Variants in PCGF5 observed in about 807,000 individuals in gnomAD.
PCGF5 encodes polycomb group ring finger 5, also known as polycomb group RING finger protein 5.
Under a neutral mutation model 44.3 loss-of-function variants are expected in PCGF5, and 9 were observed. The observed-to-expected ratio is 0.20, with a 90% confidence interval of 0.12 to 0.35. The LOEUF (loss-of-function observed/expected upper bound fraction) is 0.35, where lower values mean the gene tolerates loss of function less well. Among genes scored for constraint, PCGF5 ranks in the 10% least tolerant of loss-of-function variants. The pLI is 1.00. For synonymous variants in PCGF5, 95 were observed against 102.5 expected (o/e 0.93, Z 0.44); for missense variants, 146 against 305.3 (o/e 0.48, Z 3.89).
At chr10:91,277,187 C>T (rs936350085) in intron 9 of PCGF5, among the ~76,000 whole-genome samples, 2 of 152,138 alleles carry the variant, frequency 1.3e-5, no homozygotes, top group Non-Finnish European at 2.9e-5. Context: ...CAGATTCCAA[C>T]ATTGAGTCTT....
chr10:91,283,875 CATCTT>C lies in PCGF5; in HGVS notation c.*5561_*5565del, dbSNP rs1846510392. On this transcript the variant is annotated 3_prime_UTR_variant, in exon 10 of 10. Coordinates refer to ENST00000336126, the MANE Select transcript of PCGF5 (RefSeq NM_032373.5). ...TTAAGCTTTTTGTCAAAAGTGGTAACATCTTAATACAAATAAAAACCTTTTTGTGG... is the reference window on the plus strand; with the variant it reads ...TTAAGCTTTTTGTCAAAAGTGGTAACAATACAAATAAAAACCTTTTTGTGG... 1.3e-5 allele frequency: 2 copies of C among 152,570 alleles called. No homozygotes were observed. The highest frequency in any genetic ancestry group is 1.3e-4 in the Admixed American group (2 of 15,272). 9.5% of individuals were successfully genotyped at this position (152,570 alleles called of 1,614,324 possible).
At chr10:91,265,532 TAAA>T (rs68030127) in intron 8 of PCGF5, among the ~76,000 whole-genome samples, 1 of 150,480 alleles carries the variant, frequency 6.6e-6, no homozygotes, top group Non-Finnish European at 1.5e-5. Flanking sequence ...ATGTAAATCA[TAAA>T]AAAAAACAAA....
At chr10:91,274,630 G>A (rs986692921) in intron 9 of PCGF5, among the ~76,000 whole-genome samples, 1 of 152,196 alleles carries the variant, frequency 6.6e-6, no homozygotes, top group African/African-American at 2.4e-5. Flanking sequence ...AAAATTTATA[G>A]TGTTAGAAGA....
chr10:91,220,477 G>A (rs550790058), upstream of PCGF5: 83 of 152,880 alleles, frequency 5.4e-4, no homozygotes, highest in African/African-American at 1.9e-3. Context: ...AGCACAGGGA[G>A]CCAGGGCGGC....
intron 9 of PCGF5, among the ~76,000 whole-genome samples, chr10:91,277,873 A>G (rs1170954714): frequency 6.6e-6 from 1 of 152,048 alleles, no homozygotes; most frequent in Non-Finnish European, 1.5e-5. Flanking sequence ...CACCAGCCTA[A>G]GCTTTAGTGG....
intron 8 of PCGF5, among the ~76,000 whole-genome samples, chr10:91,267,499 T>C (rs1367190742): frequency 1.3e-5 from 2 of 152,362 alleles, no homozygotes; most frequent in Non-Finnish European, 1.5e-5. Flanking sequence ...TCAATACTTG[T>C]TCAAAGAATA....
chr10:91,230,500 C>T (rs1305941214), intron 2 of PCGF5, among the ~76,000 whole-genome samples: 1 of 152,052 alleles, frequency 6.6e-6, no homozygotes, highest in African/African-American at 2.4e-5. Flanking sequence ...TATATTTTCT[C>T]AGAATATATA....
At chr10:91,169,403 C>A (rs527657550) in intron 1 of PCGF5, among the ~76,000 whole-genome samples, 126 of 152,210 alleles carry the variant, frequency 8.3e-4, no homozygotes, top group African/African-American at 2.9e-3. Flanking sequence ...AACAAAAAAA[C>A]CTCCTGGAAC....
chr10:91,170,492 A>G (rs1055858709), intron 1 of PCGF5, among the ~76,000 whole-genome samples: 23 of 152,374 alleles, frequency 1.5e-4, no homozygotes, highest in African/African-American at 5.3e-4. Context: ...ACAGATGGCA[A>G]ATAAGCATAT....
chr10:91,211,531 T>C (rs1844451498), intron 1 of PCGF5, among the ~76,000 whole-genome samples: 1 of 152,226 alleles, frequency 6.6e-6, no homozygotes, highest in Non-Finnish European at 1.5e-5. Context: ...TCTGCATAAA[T>C]GTGAAACGTC....
chr10:91,258,373 C>A (rs186971471), intron 6 of PCGF5, among the ~76,000 whole-genome samples: 16 of 152,066 alleles, frequency 1.1e-4, no homozygotes, highest in Admixed American at 5.2e-4. Context: ...GTTGAGTATC[C>A]CTTATCCAAA....
intron 7 of PCGF5, 120 bp from the exon 8 acceptor site, chr10:91,264,311 A>T: frequency 1.3e-6 from 1 of 756,074 alleles, no homozygotes; most frequent in Non-Finnish European, 2.1e-6. Context: ...CCTCCTATTT[A>T]AAATAATGGA....
In PCGF5 at chr10:91,278,255, T is replaced by G; in HGVS notation, c.724-14T>G. On this transcript the variant is annotated splice_polypyrimidine_tract_variant and intron_variant, in intron 9 of 9. Transcript: ENST00000336126. ...CAAATACAGTCTTATTTATTATCTGTCTTTATTTTGTAGTCATACCCTATG... is the reference window on the plus strand; with the variant it reads ...CAAATACAGTCTTATTTATTATCTGGCTTTATTTTGTAGTCATACCCTATG... The G allele has an allele frequency of 6.3e-7, 1 of 1,593,218 alleles. No homozygotes were observed. The highest frequency in any genetic ancestry group is 8.6e-7 in the Non-Finnish European group (1 of 1,161,106).
intron 8 of PCGF5, among the ~76,000 whole-genome samples, chr10:91,265,024 C>G (rs1402394880): frequency 6.6e-6 from 1 of 151,976 alleles, no homozygotes; most frequent in Non-Finnish European, 1.5e-5. Flanking sequence ...CTTTCTGATG[C>G]CAGAATTAGA....
At chr10:91,206,814 C>T (rs923661032) in intron 1 of PCGF5, among the ~76,000 whole-genome samples, 10 of 152,266 alleles carry the variant, frequency 6.6e-5, no homozygotes, top group Middle Eastern at 3.4e-3. Context: ...ACGCTCTTCC[C>T]CCAGTTACCT....
At chr10:91,174,066 C>A (rs530624386) in intron 1 of PCGF5, among the ~76,000 whole-genome samples, 1 of 151,336 alleles carries the variant, frequency 6.6e-6, no homozygotes, top group East Asian at 2.0e-4. Flanking sequence ...AGATTTTTCA[C>A]TGAATCCTTC....
At chr10:91,181,568 A>T (rs1230848365) in intron 1 of PCGF5, among the ~76,000 whole-genome samples, 1 of 152,174 alleles carries the variant, frequency 6.6e-6, no homozygotes, top group Non-Finnish European at 1.5e-5. Context: ...TTAAACATGA[A>T]TGGATGTTGA....
intron 1 of PCGF5, among the ~76,000 whole-genome samples, chr10:91,181,435 G>C (rs1843817535): frequency 6.6e-6 from 1 of 151,832 alleles, no homozygotes; most frequent in Non-Finnish European, 1.5e-5. Flanking sequence ...TCTTGTGCCA[G>C]TTTTCAAGGG....
Position 91,278,911 on chromosome 10 carries a change from TG to T in PCGF5, c.*596del, listed in dbSNP as rs1276064967. ...CTGTAACATTAGAGCACAATATAATTGTAGACATTCTAAGCATCTGTCCGTG... is the reference window on the plus strand; with the variant it reads ...CTGTAACATTAGAGCACAATATAATTTAGACATTCTAAGCATCTGTCCGTG... On this transcript the variant is annotated 3_prime_UTR_variant, in exon 10 of 10. Coordinates refer to ENST00000336126, the MANE Select transcript of PCGF5 (RefSeq NM_032373.5). 1 of 152,788 alleles carries T rather than the reference TG, an allele frequency of 6.5e-6. No homozygotes were observed. The highest frequency in any genetic ancestry group is 1.5e-5 in the Non-Finnish European group (1 of 68,170). 9.5% of individuals were successfully genotyped at this position (152,788 alleles called of 1,614,324 possible).
Sources: allele counts gnomAD v4.1 joint callset (sites outside exome capture counted in the v4.1 genomes callset), GRCh38; gene constraint gnomAD v4.1.1; transcripts MANE v1.5; gene names NCBI Gene and HGNC (gene_info 2026-07-23, HGNC 2026-07-21).